Variants in MYH13 observed in about 807,000 individuals in gnomAD.
MYH13 encodes the protein myosin-13.
In MYH13, 177 loss-of-function variants were observed where a neutral mutation model predicts 232.1. The ratio of observed to expected loss-of-function variants is 0.76; its 90% CI spans 0.67 to 0.86. The LOEUF (loss-of-function observed/expected upper bound fraction) is 0.86, where lower values mean the gene tolerates loss of function less well. Ranked by LOEUF, MYH13 falls within the 40% of genes least tolerant of loss-of-function variation. The pLI is 0.00. For missense variants in MYH13, 2,246 were observed against 2,405.9 expected (o/e 0.93, Z 1.39); for synonymous variants, 884 against 923.5 (o/e 0.96, Z 0.78).
At chr17:10,313,580 G>A (rs1906598151) in intron 29 of MYH13, among the ~76,000 whole-genome samples, 2 of 151,952 alleles carry the variant, frequency 1.3e-5, no homozygotes, top group Admixed American at 1.3e-4. Context: ...GAAAGTAAGT[G>A]GAAAACCATT....
At chr17:10,366,381 G>GTTTTTTCTTTTTTTTTTTTTTT (rs2071837499) in intron 2 of MYH13, among the ~76,000 whole-genome samples, 1 of 112,640 alleles carries the variant, frequency 8.9e-6, no homozygotes, top group Non-Finnish European at 1.9e-5. Flanking sequence ...AAATAAATCT[G>GTTTTTTCTTTTTTTTTTTTTTT]TTTTTTTTTT....
At chr17:10,314,195 G>A (rs754616104) in intron 29 of MYH13, among the ~76,000 whole-genome samples, 14 of 152,268 alleles carry the variant, frequency 9.2e-5, no homozygotes, top group Admixed American at 1.3e-4. Flanking sequence ...CGAGATGGGC[G>A]GATCACCTGA....
rs1184599322 is a variant in MYH13, at chr17:10,303,415, T to C, written c.5550A>G (p.Lys1850=). ...ALKGAHKYER[K]VKEMTYQAEE... The stretch of plus-strand genomic sequence containing the variant: ...CTACCTGGTAAGTCATCTCCTTGAC[T>C]TTGCGTTCGTACTTGTGGGCTCCCT... The change falls in exon 38 of 41, where the codon AAA becomes AAG. Residue 1850 remains lysine, a synonymous_variant. Transcript: ENST00000252172. 1 of 1,613,966 alleles carries C rather than the reference T, an allele frequency of 6.2e-7. No individual in the cohort carries two copies. Among genetic ancestry groups the C allele is most frequent in the African/African-American group, 1.3e-5 (1 of 75,028 alleles).
intron 2 of MYH13, among the ~76,000 whole-genome samples, chr17:10,368,007 C>T (rs2071850033): frequency 6.6e-6 from 1 of 152,140 alleles, no homozygotes; most frequent in Non-Finnish European, 1.5e-5. Context: ...CATTATAATC[C>T]ACTAGTCTGT....
At chr17:10,301,133 G>A (rs556024870) in intron 40 of MYH13, among the ~76,000 whole-genome samples, 168 bp from the exon 41 acceptor site, 108 of 152,246 alleles carry the variant, frequency 7.1e-4, no homozygotes, top group African/African-American at 2.3e-3. Flanking sequence ...AGCTACTGGC[G>A]ACAGGACAAA....
intron 2 of MYH13, among the ~76,000 whole-genome samples, chr17:10,364,874 T>G (rs12951002): frequency 0.16 from 24,421 of 151,770 alleles, 2,502 homozygotes; most frequent in Non-Finnish European, 0.23. Context: ...AGGAAGCACT[T>G]TCTTTCTTTC....
Position 10,319,072 on chromosome 17 carries a change from C to T in MYH13, c.3456G>A (p.Glu1152=), listed in dbSNP as rs760354430. The change falls in exon 27 of 41, where the codon GAG becomes GAA. Residue 1152 remains glutamate, a synonymous_variant. Transcript: ENST00000252172. ...TGGCCCCACTGGCTTCTTCCAGCCT[C>T]TCGCTGATCTCCTCCAGTTCCCTGG... ...DLARELEEIS[E]RLEEASGATS... The T allele has an allele frequency of 6.2e-7, 1 of 1,614,218 alleles. No individual in the cohort carries two copies. Among genetic ancestry groups the T allele is most frequent in the Non-Finnish European group, 8.5e-7 (1 of 1,180,046 alleles).
intron 26 of MYH13, among the ~76,000 whole-genome samples, chr17:10,319,549 GA>G: frequency 1.3e-5 from 2 of 151,394 alleles, no homozygotes; most frequent in Non-Finnish European, 1.5e-5. Context: ...TTAAATTGGT[GA>G]AAAAACTTGG....
chr17:10,323,831 A>AG (rs1012445429), intron 23 of MYH13, among the ~76,000 whole-genome samples, 191 bp downstream of exon 23: 1 of 141,984 alleles, frequency 7.0e-6, no homozygotes, highest in African/African-American at 2.6e-5. Context: ...AAGAAGAAGA[A>AG]GAGTCTATGG....
In MYH13 at chr17:10,312,649, C is replaced by T; in HGVS notation, c.4290G>A (p.Glu1430=). The T allele has an allele frequency of 9.9e-6, 16 of 1,613,464 alleles. No individual in the cohort carries two copies. Among genetic ancestry groups the T allele is most frequent in the Non-Finnish European group, 1.3e-5 (15 of 1,179,724 alleles). ...KTKQRLQGEV[E]DLMRDLERSH... is the part of the protein sequence containing the mutation. ...AGCGCTCCAGATCCCGCATCAGATC[C>T]TCCACCTCTCCCTGCAGCCTCTGCT... The change falls in exon 31 of 41, where the codon GAG becomes GAA. Residue 1430 remains glutamate, a synonymous_variant. Coordinates refer to ENST00000252172, the MANE Select transcript of MYH13 (RefSeq NM_003802.3).
chr17:10,330,418 G>T lies in MYH13; in HGVS notation c.2404C>A (p.Arg802=), dbSNP rs765434705. ...TQAVCRGYLM[R]VEFKKMMERR... is the part of the protein sequence containing the mutation. ...TCCATCATCTTCTTGAACTCCACCCGCATCAGGTACCCCCTGCACACCGCC... is the reference window on the plus strand; with the variant it reads ...TCCATCATCTTCTTGAACTCCACCCTCATCAGGTACCCCCTGCACACCGCC... The change falls in exon 21 of 41, where the codon CGG becomes AGG. Residue 802 remains arginine (R), a synonymous_variant. Coordinates refer to ENST00000252172, the MANE Select transcript of MYH13 (RefSeq NM_003802.3). 1.9e-6 allele frequency: 3 copies of T among 1,613,478 alleles called. No homozygotes were observed. Among genetic ancestry groups the T allele is most frequent in the Non-Finnish European group, 1.7e-6 (2 of 1,179,758 alleles).
intron 11 of MYH13, 35 bp downstream of exon 11, chr17:10,354,645 C>T (rs1348901046): frequency 6.4e-7 from 1 of 1,570,198 alleles, no homozygotes; most frequent in Non-Finnish European, 8.8e-7. Flanking sequence ...CTCAATAATT[C>T]TGTGCATAAA....
intron 27 of MYH13, among the ~76,000 whole-genome samples, chr17:10,316,877 G>T (rs1366281857): frequency 6.6e-6 from 1 of 152,152 alleles, no homozygotes; most frequent in Non-Finnish European, 1.5e-5. Flanking sequence ...TTTTTCTTTA[G>T]AATGGTAAGT....
intron 23 of MYH13, among the ~76,000 whole-genome samples, chr17:10,322,732 C>T (rs770779445): frequency 6.8e-6 from 1 of 146,690 alleles, no homozygotes. Context: ...CTCCCGGGTT[C>T]ACGCCATTCT....
At chr17:10,345,164 A>G (rs768788563) in intron 15 of MYH13, 38 bp downstream of exon 15, 3 of 1,613,818 alleles carry the variant, frequency 1.9e-6, no homozygotes, top group South Asian at 2.2e-5. Context: ...AGGGCCCCCA[A>G]TAAGGAGGAG....
intron 2 of MYH13, among the ~76,000 whole-genome samples, chr17:10,370,319 G>A (rs2071868550): frequency 6.6e-6 from 1 of 152,232 alleles, no homozygotes; most frequent in Admixed American, 6.5e-5. Context: ...GGACCCAGGG[G>A]AAGACCATTC....
chr17:10,347,582 G>A (rs1009396516), intron 12 of MYH13, among the ~76,000 whole-genome samples: 1 of 151,954 alleles, frequency 6.6e-6, no homozygotes, highest in Non-Finnish European at 1.5e-5. Flanking sequence ...ACTTTTGGCT[G>A]TTTCCTACAG....
rs1597883872 is a variant in MYH13 at position 10,309,906 on chromosome 17, A to G, written c.4657-76T>C. 4 of 1,230,266 alleles carry G rather than the reference A, an allele frequency of 3.3e-6. No homozygotes were observed. The East Asian group carries it at 1.1e-4, about 34-fold the overall frequency. The allele number at this position is 1,230,266 out of a possible 1,614,324, so 76.2% of individuals were successfully genotyped here. A position where few individuals can be genotyped will look rare whatever the true frequency, so the allele number is the denominator to read the frequency against. Reference sequence around the variant, plus strand: ...GAATGGGTATTTTCATCCCCATACGATCAAATGGGTATGCGTTTTTTTAAA... The same window carrying G: ...GAATGGGTATTTTCATCCCCATACGGTCAAATGGGTATGCGTTTTTTTAAA... On this transcript the variant is annotated intron_variant, in intron 33 of 40. Coordinates refer to ENST00000252172, the MANE Select transcript of MYH13 (RefSeq NM_003802.3).
At chr17:10,368,261 C>T (rs1321750118) in intron 2 of MYH13, among the ~76,000 whole-genome samples, 1 of 152,180 alleles carries the variant, frequency 6.6e-6, no homozygotes. Context: ...CTCATTTATA[C>T]TTGAAGGCTC....
Sources: allele counts gnomAD v4.1 joint callset (sites outside exome capture counted in the v4.1 genomes callset), GRCh38; gene constraint gnomAD v4.1.1; transcripts MANE v1.5; gene names NCBI Gene and HGNC (gene_info 2026-07-23, HGNC 2026-07-21).